Variants in KCNH8 observed in about 807,000 individuals in gnomAD.
The protein encoded by KCNH8 is potassium voltage-gated channel subfamily H member 8.
Under a neutral mutation model 103.6 loss-of-function variants are expected in KCNH8, and 70 were observed. The ratio of observed to expected loss-of-function variants is 0.68; its 90% CI spans 0.56 to 0.82. The LOEUF is 0.82. KCNH8 is among the 40% of genes least tolerant of loss of function. KCNH8 has a pLI of 0.00. For synonymous variants in KCNH8, 498 were observed against 489.4 expected (o/e 1.02, Z -0.23); for missense variants, 1,217 against 1,329.9 (o/e 0.92, Z 1.32).
chr3:19,316,142 T>C (rs1473640225), intron 3 of KCNH8, among the ~76,000 whole-genome samples: 1 of 152,014 alleles, frequency 6.6e-6, no homozygotes, highest in Non-Finnish European at 1.5e-5. Context: ...GGAAAGGTTT[T>C]TAAGTTCGTG....
At chr3:19,187,530 C>T (rs141595676) in intron 1 of KCNH8, among the ~76,000 whole-genome samples, 25 of 152,102 alleles carry the variant, frequency 1.6e-4, no homozygotes, top group South Asian at 8.3e-4. Flanking sequence ...AAGACTAACA[C>T]GACCTGATGG....
intron 3 of KCNH8, among the ~76,000 whole-genome samples, chr3:19,339,585 G>C (rs2065630638): frequency 6.6e-6 from 1 of 152,058 alleles, no homozygotes; most frequent in Non-Finnish European, 1.5e-5. Context: ...TCAGCCACAA[G>C]TTTTTAAAAA....
At chr3:19,238,902 A>G (rs1335151955) in intron 1 of KCNH8, among the ~76,000 whole-genome samples, 1 of 152,230 alleles carries the variant, frequency 6.6e-6, no homozygotes, top group African/African-American at 2.4e-5. Flanking sequence ...CCAAAATAGT[A>G]GCTTTAATTT....
intron 7 of KCNH8, among the ~76,000 whole-genome samples, chr3:19,427,467 TA>T (rs1194993010): frequency 1.3e-5 from 2 of 152,198 alleles, no homozygotes; most frequent in Non-Finnish European, 2.9e-5. Flanking sequence ...GTTTATTCAA[TA>T]TTTTTTATAA....
chr3:19,511,466 A>G (rs1323410527), intron 12 of KCNH8, among the ~76,000 whole-genome samples: 1 of 152,202 alleles, frequency 6.6e-6, no homozygotes, highest in Admixed American at 6.5e-5. Flanking sequence ...ATGCAAATGT[A>G]AACAGAATTC....
chr3:19,496,711 G>C (rs1387607037), intron 11 of KCNH8, among the ~76,000 whole-genome samples: 3 of 152,144 alleles, frequency 2.0e-5, no homozygotes. Flanking sequence ...CTCATAAAAT[G>C]AGTTAGGAAG....
chr3:19,467,183 G>T (rs1421108550), intron 11 of KCNH8, among the ~76,000 whole-genome samples: 1 of 151,968 alleles, frequency 6.6e-6, no homozygotes, highest in Non-Finnish European at 1.5e-5. Context: ...GGGATTCATT[G>T]ACCCTTTCAA....
chr3:19,429,160 C>CTT (rs2067076724), intron 7 of KCNH8, among the ~76,000 whole-genome samples: 1 of 126,264 alleles, frequency 7.9e-6, no homozygotes, highest in East Asian at 2.4e-4. Context: ...TCAGAATCCA[C>CTT]TCTTTTTTTT....
chr3:19,507,624 T>A (rs2068717911), intron 11 of KCNH8, among the ~76,000 whole-genome samples: 1 of 152,096 alleles, frequency 6.6e-6, no homozygotes. Context: ...CCAACTGACA[T>A]GTTCAGGTGG....
intron 1 of KCNH8, among the ~76,000 whole-genome samples, chr3:19,251,310 T>C (rs1248445363): frequency 6.6e-6 from 1 of 151,966 alleles, no homozygotes; most frequent in Non-Finnish European, 1.5e-5. Flanking sequence ...ATTATGAGTC[T>C]AGGGTAATGC....
intron 2 of KCNH8, among the ~76,000 whole-genome samples, chr3:19,262,143 A>G (rs946539419): frequency 1.3e-5 from 2 of 151,854 alleles, no homozygotes; most frequent in East Asian, 1.9e-4. Context: ...GTCTGTGGAT[A>G]TGTCATTGAG....
At chr3:19,392,590 CAAAT>C (rs1430243794) in intron 6 of KCNH8, among the ~76,000 whole-genome samples, 2 of 151,892 alleles carry the variant, frequency 1.3e-5, no homozygotes, top group African/African-American at 2.4e-5. Flanking sequence ...GAAAAAGAAA[CAAAT>C]AACCAAAGAT....
chr3:19,495,112 T>C (rs981839342), intron 11 of KCNH8, among the ~76,000 whole-genome samples: 8 of 152,216 alleles, frequency 5.3e-5, no homozygotes, highest in Non-Finnish European at 1.2e-4. Flanking sequence ...CTTTGTTGGA[T>C]GCATAGTTTG....
intron 11 of KCNH8, among the ~76,000 whole-genome samples, chr3:19,492,681 A>AT (rs1253610599): frequency 1.3e-5 from 2 of 152,172 alleles, no homozygotes; most frequent in Admixed American, 1.3e-4. Flanking sequence ...TTTTGGTTCC[A>AT]TATGAATTTT....
At chr3:19,516,590 G>A (rs1388513069) in intron 14 of KCNH8, among the ~76,000 whole-genome samples, 1 of 152,018 alleles carries the variant, frequency 6.6e-6, no homozygotes, top group Non-Finnish European at 1.5e-5. Flanking sequence ...GGTTCAACTA[G>A]AGACAGTGCA....
intron 5 of KCNH8, among the ~76,000 whole-genome samples, chr3:19,369,862 T>G (rs1176239920): frequency 6.6e-6 from 1 of 152,000 alleles, no homozygotes; most frequent in African/African-American, 2.4e-5. Flanking sequence ...TGACGCTGCT[T>G]CTTTAGTTTT....
intron 3 of KCNH8, among the ~76,000 whole-genome samples, chr3:19,288,925 A>C (rs1285472284): frequency 2.6e-5 from 4 of 152,190 alleles, no homozygotes; most frequent in African/African-American, 2.4e-5. Flanking sequence ...TGCCATTCTA[A>C]CTGGTGTGAG....
chr3:19,478,013 A>G (rs79692329), intron 11 of KCNH8, among the ~76,000 whole-genome samples: 7,707 of 152,194 alleles, frequency 0.051, 574 homozygotes, highest in African/African-American at 0.16. Context: ...ACATGCAAGT[A>G]TTTGACTTTC....
At chr3:19,348,624 T>C (rs755638802) in intron 5 of KCNH8, among the ~76,000 whole-genome samples, 6 of 152,058 alleles carry the variant, frequency 3.9e-5, no homozygotes, top group Non-Finnish European at 8.8e-5. Flanking sequence ...AAAGCCTAGC[T>C]CTGGCTTGCT....
Sources: gnomAD v4.1 joint callset for allele counts (sites outside exome capture counted in the v4.1 genomes callset) on GRCh38, gnomAD v4.1.1 for gene constraint, MANE v1.5 for transcripts, NCBI Gene and HGNC (gene_info 2026-07-23, HGNC 2026-07-21) for gene names.